Variants in C8orf34 observed in about 807,000 individuals in gnomAD.
The protein encoded by C8orf34 is chromosome 8 open reading frame 34.
Under a neutral mutation model 68.3 loss-of-function variants are expected in C8orf34, and 65 were observed. That is an observed-to-expected ratio of 0.95 (90% confidence interval 0.78 to 1.17). The LOEUF (loss-of-function observed/expected upper bound fraction) is 1.17. Among genes scored for constraint, C8orf34 ranks in the 50% most tolerant of loss-of-function variants. The pLI, the probability that C8orf34 is intolerant of heterozygous loss-of-function variation, is 0.00. For missense variants in C8orf34, 664 were observed against 655.4 expected (o/e 1.01, Z -0.14); for synonymous variants, 244 against 241.2 (o/e 1.01, Z -0.11).
At chr8:68,773,912 T>G (rs1053233068) in intron 10 of C8orf34, among the ~76,000 whole-genome samples, 1 of 152,028 alleles carries the variant, frequency 6.6e-6, no homozygotes, top group African/African-American at 2.4e-5. Context: ...AAACCCACGG[T>G]CATCACCAGG....
Position 68,488,046 on chromosome 8 carries a change from G to A in C8orf34, c.760G>A (p.Asp254Asn), listed in dbSNP as rs199819200. The A allele has an allele frequency of 1.6e-4, 248 of 1,589,852 alleles. 4 individuals carry two copies. Among genetic ancestry groups the A allele is most frequent in the Non-Finnish European group, 9.7e-5 (113 of 1,167,826 alleles). Reference protein sequence around the residue: ...SRSIAISDELDKETVTFNSSL... With the variant: ...SRSIAISDELNKETVTFNSSL... ...AGGTATTGCAATTTCAGATGAACTC[G>A]ATAAGGTAAGTTGAACTATACATCT... Residue 254 changes from aspartate to asparagine, a missense_variant, in exon 5 of 14, where the codon GAT (aspartate) becomes AAT (asparagine). Coordinates refer to ENST00000518698, the MANE Select transcript of C8orf34 (RefSeq NM_052958.4).
At chr8:68,699,698 T>C (rs1181421239) in intron 8 of C8orf34, among the ~76,000 whole-genome samples, 1 of 152,136 alleles carries the variant, frequency 6.6e-6, no homozygotes, top group Non-Finnish European at 1.5e-5. Context: ...ACACAAAACA[T>C]ATCTATTCTC....
intron 8 of C8orf34, among the ~76,000 whole-genome samples, chr8:68,697,145 A>G (rs1040243218): frequency 3.3e-5 from 5 of 152,030 alleles, no homozygotes; most frequent in Admixed American, 2.0e-4. Context: ...TTATTTTTAT[A>G]TCGGGTATAT....
intron 7 of C8orf34, among the ~76,000 whole-genome samples, chr8:68,639,323 A>G (rs371197044): frequency 6.6e-6 from 1 of 152,126 alleles, no homozygotes; most frequent in South Asian, 2.1e-4. Context: ...TTCACTTGGG[A>G]TGCCTATGGA....
intron 1 of C8orf34, among the ~76,000 whole-genome samples, chr8:68,340,890 C>CA (rs918295209): frequency 6.6e-6 from 1 of 151,918 alleles, no homozygotes; most frequent in African/African-American, 2.4e-5. Flanking sequence ...AATATAGACA[C>CA]AAAAAACCTT....
intron 8 of C8orf34, among the ~76,000 whole-genome samples, chr8:68,647,094 A>T (rs898313471): frequency 1.3e-5 from 2 of 152,202 alleles, no homozygotes; most frequent in African/African-American, 4.8e-5. Flanking sequence ...CAACTCAATA[A>T]CTAGAAAGCA....
At chr8:68,713,509 C>T (rs896436940) in intron 9 of C8orf34, among the ~76,000 whole-genome samples, 1 of 152,032 alleles carries the variant, frequency 6.6e-6, no homozygotes, top group African/African-American at 2.4e-5. Flanking sequence ...AAAGATTATT[C>T]AAGGCCACTA....
intron 1 of C8orf34, among the ~76,000 whole-genome samples, chr8:68,432,799 T>C (rs1810503324): frequency 6.6e-6 from 1 of 152,140 alleles, no homozygotes. Flanking sequence ...TCACTGTGCA[T>C]GGAAACCTAG....
At chr8:68,786,148 G>A (rs1823837949) in intron 11 of C8orf34, among the ~76,000 whole-genome samples, 3 of 152,140 alleles carry the variant, frequency 2.0e-5, no homozygotes, top group Admixed American at 2.0e-4. Context: ...GAGATAAAGA[G>A]TGAATTGACA....
intron 7 of C8orf34, among the ~76,000 whole-genome samples, chr8:68,561,310 ACT>A (rs1437294601): frequency 8.6e-5 from 13 of 151,736 alleles, no homozygotes; most frequent in South Asian, 6.2e-4. Context: ...TAACTCTTTG[ACT>A]CTTTTTTAAT....
chr8:68,690,201 GT>G (rs1390026214), intron 8 of C8orf34, among the ~76,000 whole-genome samples: 7 of 151,134 alleles, frequency 4.6e-5, no homozygotes, highest in African/African-American at 1.5e-4. Flanking sequence ...TGTTTTTATA[GT>G]TTTTTTTTAT....
At chr8:68,535,472 A>G (rs1029948635) in intron 7 of C8orf34, 10 of 966,892 alleles carry the variant, frequency 1.0e-5, no homozygotes, top group Non-Finnish European at 1.1e-5. Flanking sequence ...TGACATTAAT[A>G]TAAAAAAGGA....
chr8:68,568,269 A>C (rs372527048), intron 7 of C8orf34, among the ~76,000 whole-genome samples: 2 of 150,866 alleles, frequency 1.3e-5, no homozygotes, highest in East Asian at 4.0e-4. Flanking sequence ...TCCTTCAGGA[A>C]CTTTTTCTTT....
chr8:68,377,066 T>C (rs1807833727), intron 1 of C8orf34, among the ~76,000 whole-genome samples: 1 of 152,100 alleles, frequency 6.6e-6, no homozygotes, highest in Admixed American at 6.5e-5. Context: ...GGAACCTTCA[T>C]GGAGCCCTGA....
At chr8:68,346,481 G>T (rs1188915045) in intron 1 of C8orf34, among the ~76,000 whole-genome samples, 1 of 151,844 alleles carries the variant, frequency 6.6e-6, no homozygotes, top group African/African-American at 2.4e-5. Flanking sequence ...TTACAGTAGG[G>T]TTCACTCTTG....
At chr8:68,413,005 A>G (rs1809508997) in intron 1 of C8orf34, among the ~76,000 whole-genome samples, 1 of 152,154 alleles carries the variant, frequency 6.6e-6, no homozygotes, top group Non-Finnish European at 1.5e-5. Flanking sequence ...TAGCTAATCC[A>G]TAGCCCTACC....
In C8orf34 at chr8:68,530,301, C is replaced by T. The variant is rs1274781968; in HGVS notation, c.939-2682C>T. ...CTGAGGAAAAGAAAGAAGTAACTTGCCCCAAATTATTCATCTTGTAAATAA... is the reference window on the plus strand; with the variant it reads ...CTGAGGAAAAGAAAGAAGTAACTTGTCCCAAATTATTCATCTTGTAAATAA... On this transcript the variant is annotated intron_variant, in intron 6 of 13. Transcript: ENST00000518698. Among the ~76,000 whole-genome samples, 4 of 151,974 alleles carry T rather than the reference C, an allele frequency of 2.6e-5. No individual in the cohort carries two copies. In the South Asian group the frequency reaches 8.3e-4, roughly 31 times the overall value.
At chr8:68,525,004 T>C (rs954180321) in intron 6 of C8orf34, among the ~76,000 whole-genome samples, 3 of 152,144 alleles carry the variant, frequency 2.0e-5, no homozygotes, top group Non-Finnish European at 1.5e-5. Flanking sequence ...CACTGTTAGA[T>C]TGAAAATAGG....
chr8:68,494,540 T>C (rs1488853413), intron 5 of C8orf34, among the ~76,000 whole-genome samples: 1 of 152,170 alleles, frequency 6.6e-6, no homozygotes, highest in Non-Finnish European at 1.5e-5. Flanking sequence ...TTTTATGTTA[T>C]GATTTTTCTG....
Sources: gnomAD v4.1 joint callset for allele counts (sites outside exome capture counted in the v4.1 genomes callset) on GRCh38, gnomAD v4.1.1 for gene constraint, MANE v1.5 for transcripts, NCBI Gene and HGNC (gene_info 2026-07-23, HGNC 2026-07-21) for gene names.